The following SEC22A variants were observed in gnomAD, a reference collection of about 807,000 sequenced individuals.
The protein encoded by SEC22A is SEC22 homolog A, vesicle trafficking protein, also known as vesicle-trafficking protein SEC22a.
SEC22A carries 22 observed loss-of-function variants against 35.3 expected under a neutral mutation model. That is an observed-to-expected ratio of 0.62 (90% CI 0.45 to 0.89). The LOEUF is 0.89. SEC22A is among the 40% of genes least tolerant of loss of function. The pLI is 0.00. For synonymous variants in SEC22A, 119 were observed against 129.5 expected (o/e 0.92, Z 0.55); for missense variants, 354 against 362.5 (o/e 0.98, Z 0.19).
chr3:123,229,259 C>T (rs867612008), intron 4 of SEC22A, among the ~76,000 whole-genome samples: 12 of 152,178 alleles, frequency 7.9e-5, no homozygotes, highest in Non-Finnish European at 1.0e-4. Context: ...TTGTCACTTA[C>T]ATGAGTTTAC....
At chr3:123,255,657 T>G (rs1937714053) in intron 5 of SEC22A, among the ~76,000 whole-genome samples, 1 of 152,304 alleles carries the variant, frequency 6.6e-6, no homozygotes, top group Non-Finnish European at 1.5e-5. Context: ...ATTATTCTTT[T>G]AAAATTTTTA....
At chr3:123,214,666 A>T (rs1361300458) in intron 2 of SEC22A, among the ~76,000 whole-genome samples, 1 of 152,222 alleles carries the variant, frequency 6.6e-6, no homozygotes, top group East Asian at 1.9e-4. Flanking sequence ...TATGAACCAT[A>T]TGGAAATTAG....
chr3:123,263,917 AT>A (rs1331192417), intron 6 of SEC22A, among the ~76,000 whole-genome samples: 3 of 146,724 alleles, frequency 2.0e-5, no homozygotes, highest in Non-Finnish European at 4.5e-5. Context: ...CTATTAAATG[AT>A]TTGTTCCTTT....
chr3:123,202,490 T>TGAGCCCA (rs1164453173), intron 1 of SEC22A, among the ~76,000 whole-genome samples: 1 of 152,122 alleles, frequency 6.6e-6, no homozygotes, highest in Non-Finnish European at 1.5e-5. Context: ...GAGTGAGCCC[T>TGAGCCCA]GAGCCCAGAT....
At chr3:123,250,577 C>T (rs916375259) in intron 5 of SEC22A, among the ~76,000 whole-genome samples, 11 of 152,166 alleles carry the variant, frequency 7.2e-5, no homozygotes, top group African/African-American at 2.7e-4. Context: ...CCTTCTCTTC[C>T]TATGGAGGGA....
At chr3:123,205,559 G>T (rs1936838558) in intron 1 of SEC22A, among the ~76,000 whole-genome samples, 1 of 152,066 alleles carries the variant, frequency 6.6e-6, no homozygotes, top group African/African-American at 2.4e-5. Context: ...ATGGTGGCGG[G>T]CACCTGTAAT....
intron 6 of SEC22A, among the ~76,000 whole-genome samples, chr3:123,269,786 C>T (rs991293461): frequency 6.6e-6 from 1 of 151,902 alleles, no homozygotes; most frequent in Non-Finnish European, 1.5e-5. Flanking sequence ...GCGCCCGCCA[C>T]CACACCCGAC....
chr3:123,216,675 C>T (rs1332139109), intron 2 of SEC22A, among the ~76,000 whole-genome samples: 2 of 152,136 alleles, frequency 1.3e-5, no homozygotes, highest in Non-Finnish European at 2.9e-5. Context: ...ATGTAATGGA[C>T]ACTCAGTGTT....
intron 2 of SEC22A, among the ~76,000 whole-genome samples, chr3:123,214,030 A>G (rs1936982567): frequency 1.0e-5 from 1 of 98,694 alleles, no homozygotes; most frequent in Admixed American, 1.0e-4. Flanking sequence ...CTAAAAATAA[A>G]AAAAATAAAA....
intron 5 of SEC22A, among the ~76,000 whole-genome samples, chr3:123,246,281 C>T (rs751408545): frequency 6.6e-6 from 1 of 152,158 alleles, no homozygotes; most frequent in Non-Finnish European, 1.5e-5. Flanking sequence ...CTTGCAGTCT[C>T]ATAACTGAAA....
chr3:123,223,408 C>A, intron 2 of SEC22A, 151 bp from the exon 3 acceptor site: 1 of 590,782 alleles, frequency 1.7e-6, no homozygotes, highest in Non-Finnish European at 2.9e-6. Flanking sequence ...TATTTTGGTT[C>A]CTTTAAATTT....
At position 123,269,179 on chromosome 3, in the gene SEC22A, ATGTG is replaced by A. The variant is rs200267944; in HGVS notation, c.724-2309_724-2306del. On this transcript the variant is annotated intron_variant, in intron 6 of 6. Coordinates refer to ENST00000492595, the MANE Select transcript of SEC22A (RefSeq NM_012430.5). ...CCTTGGAAAACCTTGAATTAAATAT[ATGTG>A]TGTGTGTGTGTGTGTGTGTGTGTGT... 4.0e-3 allele frequency among the ~76,000 whole-genome samples: 479 copies of A among 120,716 alleles called. 4 individuals are homozygous for A. Among genetic ancestry groups the A allele is most frequent in the East Asian group, 0.017 (76 of 4,428 alleles). The allele number at this position is 120,716 out of a possible 152,430, so 79.2% of individuals were successfully genotyped here.
chr3:123,245,642 G>A (rs566006754), intron 4 of SEC22A, among the ~76,000 whole-genome samples: 1 of 152,120 alleles, frequency 6.6e-6, no homozygotes, highest in South Asian at 2.1e-4. Context: ...GAGGCTTGTA[G>A]CGAGCTGTGA....
intron 5 of SEC22A, among the ~76,000 whole-genome samples, chr3:123,255,727 A>G (rs1280277222): frequency 6.6e-6 from 1 of 152,138 alleles, no homozygotes; most frequent in Non-Finnish European, 1.5e-5. Flanking sequence ...AATATGTAGG[A>G]GTTTATTTCA....
intron 4 of SEC22A, among the ~76,000 whole-genome samples, chr3:123,227,935 C>T (rs62262565): frequency 0.15 from 22,704 of 147,166 alleles, 2,090 homozygotes; most frequent in Middle Eastern, 0.27. Context: ...GGTGACAAAG[C>T]GAGCTCCATC....
intron 4 of SEC22A, among the ~76,000 whole-genome samples, chr3:123,229,443 A>G (rs1008184921): frequency 6.6e-6 from 1 of 152,250 alleles, no homozygotes; most frequent in African/African-American, 2.4e-5. Context: ...AAAAACTACC[A>G]GTAACCAAGA....
intron 2 of SEC22A, among the ~76,000 whole-genome samples, chr3:123,223,299 C>A (rs1414154723): frequency 6.6e-6 from 1 of 152,186 alleles, no homozygotes; most frequent in Non-Finnish European, 1.5e-5. Context: ...CTTTTTACCC[C>A]AAGTGATAAC....
intron 2 of SEC22A, among the ~76,000 whole-genome samples, chr3:123,214,530 T>C (rs1375209519): frequency 2.0e-5 from 3 of 152,234 alleles, no homozygotes; most frequent in Admixed American, 2.0e-4. Context: ...ATTCCAATTC[T>C]CTCTATATAA....
chr3:123,243,970 G>A (rs965982567), intron 4 of SEC22A: 3 of 152,130 alleles, frequency 2.0e-5, no homozygotes, highest in African/African-American at 7.2e-5. Flanking sequence ...AGATGACACT[G>A]CTTTGGATTC....
Sources: allele counts gnomAD v4.1 joint callset (sites outside exome capture counted in the v4.1 genomes callset), GRCh38; gene constraint gnomAD v4.1.1; transcripts MANE v1.5; gene names NCBI Gene and HGNC (gene_info 2026-07-23, HGNC 2026-07-21).